DIPK1B: variants seen among roughly 807,000 people sequenced by gnomAD.
DIPK1B encodes divergent protein kinase domain 1B, also known as family with sequence similarity 69 member B.
A neutral mutation model predicts 20.7 loss-of-function variants in DIPK1B; 17 were observed. That is an observed-to-expected ratio of 0.82 (90% CI 0.56 to 1.23). The LOEUF is 1.23. Among genes scored for constraint, DIPK1B ranks in the 50% most tolerant of loss-of-function variants. The pLI, the probability that DIPK1B is intolerant of heterozygous loss-of-function variation, is 0.00. For synonymous variants in DIPK1B, 343 were observed against 276.5 expected (o/e 1.24, Z -2.39); for missense variants, 648 against 601.8 (o/e 1.08, Z -0.80).
intron 4 of DIPK1B, 48 bp downstream of exon 4, chr9:136,722,349 A>G: frequency 1.9e-6 from 3 of 1,575,776 alleles, no homozygotes; most frequent in Non-Finnish European, 1.7e-6. Context: ...CACCACGGTC[A>G]TATGCCCAGC....
chr9:136,723,690 C>T lies in DIPK1B; in HGVS notation c.1212C>T (p.Ser404=). The change falls in exon 5 of 5, where the codon AGC becomes AGT. Residue 404 remains serine, a synonymous_variant. Coordinates refer to ENST00000371692, the MANE Select transcript of DIPK1B (RefSeq NM_152421.4). Reference sequence around the variant, plus strand: ...GTACCACGCTGAGCGGGCTGGCCAGCCAGGTGGAGGCCCATCACTCGCTGG... The same window carrying T: ...GTACCACGCTGAGCGGGCTGGCCAGTCAGGTGGAGGCCCATCACTCGCTGG... ...RTCTTLSGLA[S]QVEAHHSLVL... 1 of 1,540,996 alleles carries T rather than the reference C, an allele frequency of 6.5e-7. No individual in the cohort carries two copies. The highest frequency in any genetic ancestry group is 8.7e-7 in the Non-Finnish European group (1 of 1,147,828).
In DIPK1B at chr9:136,717,693, T is replaced by TGTCTGCCA. The variant is rs776696159; in HGVS notation, c.182_189dup (p.Val64SerfsTer53). 5 of 1,611,216 alleles carry TGTCTGCCA rather than the reference T, an allele frequency of 3.1e-6. 1 individual carries two copies. The South Asian group carries it at 5.5e-5, about 18-fold the overall frequency. On this transcript the variant is annotated frameshift_variant, in exon 2 of 5. Transcript: ENST00000371692. LOFTEE classifies it high-confidence loss of function. Reference sequence around the variant, plus strand: ...CCTACTCGGAGCGCTGTCGCGGCCATGTCTGCCAGGTGGTCATTGTAAGTG... The same window carrying TGTCTGCCA: ...CCTACTCGGAGCGCTGTCGCGGCCATGTCTGCCAGTCTGCCAGGTGGTCATTGTAAGTG...
chr9:136,723,846 A>G lies in DIPK1B; in HGVS notation c.*72A>G, dbSNP rs1226934071. ...CCAGGGTCCAACCCTCCCTCAAGGA[A>G]TCCTGTCAGAAGATGTGAAATGCAA... On this transcript the variant is annotated 3_prime_UTR_variant, in exon 5 of 5. Coordinates refer to ENST00000371692, the MANE Select transcript of DIPK1B (RefSeq NM_152421.4). The G allele has an allele frequency of 4.9e-6, 7 of 1,418,476 alleles. No individual in the cohort carries two copies. The highest frequency in any genetic ancestry group is 1.3e-5 in the South Asian group (1 of 75,700). The allele number at this position is 1,418,476 out of a possible 1,614,324, so 87.9% of individuals were successfully genotyped here. A position where few individuals can be genotyped will look rare whatever the true frequency, so the allele number is the denominator to read the frequency against.
chr9:136,722,816 T>C (rs1846630245), intron 4 of DIPK1B, 146 bp from the exon 5 acceptor site: 2 of 772,180 alleles, frequency 2.6e-6, no homozygotes, highest in East Asian at 2.7e-5. Flanking sequence ...CCTCCACCCG[T>C]GTAGCTGTGG....
intron 2 of DIPK1B, among the ~76,000 whole-genome samples, chr9:136,718,754 C>G (rs569282966): frequency 6.6e-6 from 1 of 152,184 alleles, no homozygotes; most frequent in East Asian, 1.9e-4. Flanking sequence ...GGGGAGAGCA[C>G]CTCTCCTGGC....
chr9:136,723,187 G>A lies in DIPK1B; in HGVS notation c.709G>A (p.Gly237Ser). 6.2e-7 allele frequency: 1 copy of A among 1,612,830 alleles called. No individual in the cohort carries two copies. Among genetic ancestry groups the A allele is most frequent in the East Asian group, 2.2e-5 (1 of 44,878 alleles). ...DLYLTEGVPH[G>S]AWHAAALPPL... Reference sequence around the variant, plus strand: ...CTACCTCACCGAGGGCGTGCCGCATGGCGCCTGGCACGCGGCCGCCCTTCC... The same window carrying A: ...CTACCTCACCGAGGGCGTGCCGCATAGCGCCTGGCACGCGGCCGCCCTTCC... The change falls in exon 5 of 5, where the codon GGC becomes AGC. Residue 237 changes from glycine (G) to serine (S), a missense_variant. Transcript: ENST00000371692.
rs552016467 is a variant in DIPK1B, at chr9:136,718,256, C to T, written c.198+545C>T. Among the ~76,000 whole-genome samples, 35 of 143,470 alleles carry T rather than the reference C, an allele frequency of 2.4e-4. No individual in the cohort carries two copies. In the East Asian group the frequency reaches 6.6e-3, roughly 27 times the overall value. The allele number at this position is 143,470 out of a possible 152,430, so 94.1% of individuals were successfully genotyped here. On this transcript the variant is annotated intron_variant, in intron 2 of 4. Transcript: ENST00000371692. Reference sequence around the variant, plus strand: ...CTCACTGGTCCGGGATAGAGACCCCCGTGTGCTGGCCTCACTGGTCCGGGA... The same window carrying T: ...CTCACTGGTCCGGGATAGAGACCCCTGTGTGCTGGCCTCACTGGTCCGGGA...
chr9:136,712,584 C>A lies in DIPK1B; in HGVS notation c.-82C>A. On this transcript the variant is annotated 5_prime_UTR_variant, in exon 1 of 5. Coordinates refer to ENST00000371692, the MANE Select transcript of DIPK1B (RefSeq NM_152421.4). This position sits in a 1 kb window ranked among gnomAD's most constrained non-coding sequence, Gnocchi z 5.6. ...GCGCGCGGCCCGCATGGCGAGGGAG[C>A]GGCGGCCGCTGCGGGCCGGGCCGGG... 3.4e-6 allele frequency: 2 copies of A among 586,840 alleles called. No individual in the cohort carries two copies. Among genetic ancestry groups the A allele is most frequent in the South Asian group, 1.4e-4 (2 of 13,972 alleles). 36.4% of individuals were successfully genotyped at this position (586,840 alleles called of 1,614,324 possible).
chr9:136,715,806 G>T (rs140020132), intron 1 of DIPK1B, among the ~76,000 whole-genome samples: 7 of 152,046 alleles, frequency 4.6e-5, no homozygotes, highest in African/African-American at 1.7e-4. Context: ...GAGCCACCAC[G>T]CCCGACCTTA....
Position 136,724,066 on chromosome 9 carries a change from A to C in DIPK1B, c.*292A>C. The stretch of plus-strand genomic sequence containing the variant: ...CCAGGGCTGAGCACCCTGAGCCCCC[A>C]TCGATGCTGTGTGTGGGACCCTTCG... On this transcript the variant is annotated 3_prime_UTR_variant, in exon 5 of 5. Coordinates refer to ENST00000371692, the MANE Select transcript of DIPK1B (RefSeq NM_152421.4). 1 of 410,674 alleles carries C rather than the reference A, an allele frequency of 2.4e-6. No homozygotes were observed. Among genetic ancestry groups the C allele is most frequent in the Non-Finnish European group, 4.5e-6 (1 of 221,728 alleles). 25.4% of individuals were successfully genotyped at this position (410,674 alleles called of 1,614,324 possible). A position where few individuals can be genotyped will look rare whatever the true frequency, so the allele number is the denominator to read the frequency against.
intron 2 of DIPK1B, among the ~76,000 whole-genome samples, chr9:136,719,858 CAG>C (rs1588283483): frequency 6.6e-6 from 1 of 151,868 alleles, no homozygotes; most frequent in Non-Finnish European, 1.5e-5. Context: ...GCTCCGGGCA[CAG>C]GGGCTGGTCT....
intron 3 of DIPK1B, 43 bp from the exon 4 acceptor site, chr9:136,722,082 G>A: frequency 1.2e-6 from 2 of 1,613,496 alleles, no homozygotes; most frequent in Non-Finnish European, 1.7e-6. Context: ...CCGTGCAGTG[G>A]GAGGGGGATG....
In DIPK1B at chr9:136,712,649, C is replaced by T; in HGVS notation, c.-17C>T. On this transcript the variant is annotated 5_prime_UTR_variant, in exon 1 of 5. Transcript: ENST00000371692. The surrounding 1 kb of genome is among the most constrained non-coding windows in gnomAD (Gnocchi z 5.6). The stretch of plus-strand genomic sequence containing the variant: ...GAGCGAGCCGCGGGGCCCGCGCAGC[C>T]CCGGCCGGAGCCCACCATGCGGCGG... 2 of 1,218,188 alleles carry T rather than the reference C, an allele frequency of 1.6e-6. No individual in the cohort carries two copies. The highest frequency in any genetic ancestry group is 2.0e-6 in the Non-Finnish European group (2 of 977,210). The allele number at this position is 1,218,188 out of a possible 1,614,324, so 75.5% of individuals were successfully genotyped here.
chr9:136,722,208 T>TGCGGCCCCCCGGCGGGA lies in DIPK1B; in HGVS notation c.393_409dup (p.Leu137ArgfsTer25). ...CCCTCGACTCCAAGGCCCGGTCGGATGCGGCCCCCCGGCGGGAGCTGGTAC... is the reference window on the plus strand; with the variant it reads ...CCCTCGACTCCAAGGCCCGGTCGGATGCGGCCCCCCGGCGGGAGCGGCCCCCCGGCGGGAGCTGGTAC... On this transcript the variant is annotated frameshift_variant, in exon 4 of 5. Transcript: ENST00000371692. LOFTEE classifies it high-confidence loss of function. 6.2e-7 allele frequency: 1 copy of TGCGGCCCCCCGGCGGGA among 1,613,984 alleles called. No individual in the cohort carries two copies.
chr9:136,722,768 C>T (rs575739856), intron 4 of DIPK1B, 194 bp from the exon 5 acceptor site: 263 of 636,754 alleles, frequency 4.1e-4, no homozygotes, highest in Non-Finnish European at 4.0e-4. Flanking sequence ...AGCAGCCACA[C>T]AGGCCAGCAG....
chr9:136,712,636 GGGCCCGCGCA>G lies in DIPK1B; in HGVS notation c.-28_-19del. The G allele has an allele frequency of 1.8e-6, 2 of 1,122,566 alleles. No homozygotes were observed. The highest frequency in any genetic ancestry group is 2.2e-6 in the Non-Finnish European group (2 of 916,356). 69.5% of individuals were successfully genotyped at this position (1,122,566 alleles called of 1,614,324 possible). On this transcript the variant is annotated 5_prime_UTR_variant, in exon 1 of 5. Coordinates refer to ENST00000371692, the MANE Select transcript of DIPK1B (RefSeq NM_152421.4). The surrounding 1 kb of genome is among the most constrained non-coding windows in gnomAD (Gnocchi z 5.6). Reference sequence around the variant, plus strand: ...CGGGGCTGAGGCCGAGCGAGCCGCGGGGCCCGCGCAGCCCCGGCCGGAGCCCACCATGCGG... The same window carrying G: ...CGGGGCTGAGGCCGAGCGAGCCGCGGGCCCCGGCCGGAGCCCACCATGCGG...
chr9:136,722,622 C>T (rs1231500034), intron 4 of DIPK1B: 16 of 560,464 alleles, frequency 2.9e-5, no homozygotes, highest in African/African-American at 2.2e-4. Flanking sequence ...CTTCCCAGGG[C>T]TTCAGCCAGT....
chr9:136,721,984 ATGGTGGAGTGGAGGACC>A lies in DIPK1B; in HGVS notation c.265_281del (p.Val89ProfsTer26). 6.2e-7 allele frequency: 1 copy of A among 1,612,620 alleles called. No individual in the cohort carries two copies. The highest frequency in any genetic ancestry group is 1.1e-5 in the South Asian group (1 of 91,032). ...CTGCCAGGACCTGTGTGAGCTGCAT[ATGGTGGAGTGGAGGACC>A]TGCCTCTCGGTGGCCCCGGGCCAGC... On this transcript the variant is annotated frameshift_variant, in exon 3 of 5. Transcript: ENST00000371692. LOFTEE classifies it high-confidence loss of function.
chr9:136,713,691 G>A (rs914952058), intron 1 of DIPK1B, among the ~76,000 whole-genome samples: 2 of 152,218 alleles, frequency 1.3e-5, no homozygotes, highest in Non-Finnish European at 2.9e-5. Context: ...GAAAGGCCTC[G>A]ACCAGCAGCT....
Sources: allele counts gnomAD v4.1 joint callset (sites outside exome capture counted in the v4.1 genomes callset), GRCh38; gene constraint gnomAD v4.1.1; non-coding constraint Gnocchi (gnomAD v3.1); transcripts MANE v1.5; gene names NCBI Gene and HGNC (gene_info 2026-07-23, HGNC 2026-07-21).